Variants in CADM2 observed in about 807,000 individuals in gnomAD.
CADM2 encodes the protein immunoglobulin superfamily member 4D.
A neutral mutation model predicts 49.8 loss-of-function variants in CADM2; 12 were observed. The observed-to-expected ratio is 0.24, with a 90% CI of 0.15 to 0.39. CADM2 has a LOEUF of 0.39. Among genes scored for constraint, CADM2 ranks in the 10% least tolerant of loss-of-function variants. CADM2 has a pLI of 1.00. For missense variants in CADM2, 378 were observed against 492.3 expected (o/e 0.77, Z 2.20); for synonymous variants, 214 against 175.4 (o/e 1.22, Z -1.74).
chr3:85,315,226 C>T (rs116797118), intron 1 of CADM2, among the ~76,000 whole-genome samples: 3 of 152,130 alleles, frequency 2.0e-5, no homozygotes, highest in African/African-American at 4.8e-5. Context: ...TGGTCTCAGG[C>T]GATCCTCCTG....
At chr3:85,228,795 G>A (rs977076940) in intron 1 of CADM2, among the ~76,000 whole-genome samples, 9 of 152,078 alleles carry the variant, frequency 5.9e-5, no homozygotes, top group Non-Finnish European at 1.3e-4. Flanking sequence ...AGTCTACACA[G>A]GGGTCAGGGA....
At chr3:85,371,677 G>GTATATA (rs1167720851) in intron 1 of CADM2, among the ~76,000 whole-genome samples, 28 of 95,114 alleles carry the variant, frequency 2.9e-4, no homozygotes, top group African/African-American at 1.1e-3. Flanking sequence ...GTGTGTGTGT[G>GTATATA]TATATATATA....
chr3:85,821,943 A>C (rs1437244055), intron 3 of CADM2, among the ~76,000 whole-genome samples: 1 of 152,188 alleles, frequency 6.6e-6, no homozygotes, highest in Admixed American at 6.6e-5. Flanking sequence ...GATAATTATT[A>C]TGCTTATAAT....
At position 84,959,647 on chromosome 3, in the gene CADM2, G is replaced by T. The variant is rs1192525367; in HGVS notation, c.40G>T (p.Val14Phe). 1 of 1,537,046 alleles carries T rather than the reference G, an allele frequency of 6.5e-7. No homozygotes were observed. The highest frequency in any genetic ancestry group is 8.7e-7 in the Non-Finnish European group (1 of 1,146,874). ...KRSAVLRFYS[V>F]CGLLLQAAAS... ...CAGCGCCGTTCTCCGCTTCTACAGTGTCTGCGGGCTCCTGCTACAAGGTAA... is the reference window on the plus strand; with the variant it reads ...CAGCGCCGTTCTCCGCTTCTACAGTTTCTGCGGGCTCCTGCTACAAGGTAA... Residue 14 changes from valine (V) to phenylalanine (F), a missense_variant, in exon 1 of 10, where the codon GTC becomes TTC. Physicochemically the swap from Val to Phe is conservative, Grantham distance 50. Coordinates refer to ENST00000383699, the MANE Select transcript of CADM2 (RefSeq NM_001167675.2).
intron 2 of CADM2, among the ~76,000 whole-genome samples, chr3:85,775,320 A>G (rs376861658): frequency 5.9e-5 from 9 of 151,902 alleles, no homozygotes; most frequent in African/African-American, 2.2e-4. Flanking sequence ...AATTTAATTT[A>G]TCCTACTTTC....
rs59038758 is a variant in CADM2, at chr3:85,995,014, TAAAAA to T, written c.970+33383_970+33387del. Among the ~76,000 whole-genome samples, 10 of 83,024 alleles carry T rather than the reference TAAAAA, an allele frequency of 1.2e-4. No homozygotes were observed. The South Asian group carries it at 3.2e-3, about 27-fold the overall frequency. 54.5% of individuals were successfully genotyped at this position (83,024 alleles called of 152,430 possible). A position where few individuals can be genotyped will look rare whatever the true frequency, so the allele number is the denominator to read the frequency against. On this transcript the variant is annotated intron_variant, in intron 8 of 9. Transcript: ENST00000383699. ...GGGTTGCCACAAATCTTCGATTTGT[TAAAAA>T]AAAAAAAAAAAAAAATCATTATCTG...
chr3:84,967,594 T>C (rs938462549), intron 1 of CADM2, among the ~76,000 whole-genome samples: 1 of 152,154 alleles, frequency 6.6e-6, no homozygotes, highest in African/African-American at 2.4e-5. Context: ...GAAGTCCGAA[T>C]AGTAACTCGG....
rs531281788 is a variant in CADM2, at chr3:85,154,028, G to A, written c.61+194360G>A. On this transcript the variant is annotated intron_variant, in intron 1 of 9. Coordinates refer to ENST00000383699, the MANE Select transcript of CADM2 (RefSeq NM_001167675.2). ...AAAACTGGAAACTCTAAAAAGCAGA[G>A]CGCCTCTCCTCCTCCAAAGGAACAC... is the stretch of plus-strand genomic sequence containing the variant. Among the ~76,000 whole-genome samples, 3 of 152,302 alleles carry A rather than the reference G, an allele frequency of 2.0e-5. No homozygotes were observed. The South Asian group carries it at 6.2e-4, about 32-fold the overall frequency.
chr3:85,976,905 C>T (rs953248375), intron 8 of CADM2, among the ~76,000 whole-genome samples: 2 of 151,438 alleles, frequency 1.3e-5, no homozygotes, highest in South Asian at 2.1e-4. Flanking sequence ...ATTAAAACTA[C>T]TCATCTTTTT....
intron 1 of CADM2, among the ~76,000 whole-genome samples, chr3:85,362,774 G>A (rs1024681541): frequency 1.2e-4 from 18 of 151,986 alleles, no homozygotes; most frequent in African/African-American, 4.4e-4. Flanking sequence ...GTGTTTAAAG[G>A]TACTTCTTTC....
intron 1 of CADM2, among the ~76,000 whole-genome samples, chr3:85,312,345 T>A (rs1032771637): frequency 1.3e-5 from 2 of 152,290 alleles, no homozygotes; most frequent in East Asian, 1.9e-4. Context: ...CTTGTTGTGC[T>A]ATGTGGTTGA....
intron 1 of CADM2, among the ~76,000 whole-genome samples, chr3:85,549,217 A>G (rs1192813369): frequency 6.6e-6 from 1 of 152,210 alleles, no homozygotes; most frequent in African/African-American, 2.4e-5. Flanking sequence ...TAGCCAGGAA[A>G]CACACAGAAG....
intron 8 of CADM2, among the ~76,000 whole-genome samples, chr3:85,999,264 C>CGAG: frequency 7.4e-6 from 1 of 135,162 alleles, no homozygotes; most frequent in African/African-American, 2.8e-5. Context: ...TTTGGGAGGC[C>CGAG]GAGGGTTGGG....
chr3:85,618,169 G>T (rs1007598514), intron 1 of CADM2, among the ~76,000 whole-genome samples: 1 of 152,038 alleles, frequency 6.6e-6, no homozygotes. Context: ...AAATTACATA[G>T]CAGCTAAATT....
At chr3:85,400,739 G>A (rs890963689) in intron 1 of CADM2, among the ~76,000 whole-genome samples, 7 of 152,114 alleles carry the variant, frequency 4.6e-5, no homozygotes, top group African/African-American at 1.4e-4. Context: ...TTGTGTAGAG[G>A]TGTTTATATT....
intron 1 of CADM2, among the ~76,000 whole-genome samples, chr3:85,517,347 A>G (rs2060928642): frequency 6.6e-6 from 1 of 152,108 alleles, no homozygotes; most frequent in African/African-American, 2.4e-5. Context: ...GTTGTTTTAG[A>G]TCTCAGATTA....
At chr3:85,761,749 G>T (rs2069392735) in intron 2 of CADM2, among the ~76,000 whole-genome samples, 2 of 152,250 alleles carry the variant, frequency 1.3e-5, no homozygotes, top group Middle Eastern at 3.4e-3. Context: ...GAAAAGAGAT[G>T]ATCTCATTCT....
At chr3:85,272,234 T>A (rs1410689764) in intron 1 of CADM2, among the ~76,000 whole-genome samples, 3 of 151,124 alleles carry the variant, frequency 2.0e-5, no homozygotes, top group Non-Finnish European at 3.0e-5. Flanking sequence ...GAAAAGAAAA[T>A]CCTTTCCTCA....
intron 1 of CADM2, among the ~76,000 whole-genome samples, chr3:85,078,290 C>T (rs1050558758): frequency 2.0e-5 from 3 of 151,874 alleles, no homozygotes; most frequent in African/African-American, 7.2e-5. Flanking sequence ...CCTTTGTGTT[C>T]CTGGACATCT....
Sources: gnomAD v4.1 joint callset for allele counts (sites outside exome capture counted in the v4.1 genomes callset) on GRCh38, gnomAD v4.1.1 for gene constraint, MANE v1.5 for transcripts, NCBI Gene and HGNC (gene_info 2026-07-23, HGNC 2026-07-21) for gene names.